The following DHH variants were observed in gnomAD, a reference collection of about 807,000 sequenced individuals.
The protein encoded by DHH is desert hedgehog protein.
In DHH, 16 loss-of-function variants were observed where a neutral mutation model predicts 27.6. That is an observed-to-expected ratio of 0.58 (90% CI 0.39 to 0.88). DHH has a LOEUF of 0.88. DHH is among the 40% of genes least tolerant of loss of function. The probability of loss-of-function intolerance (pLI) is 0.00; values close to 1 mark genes in which losing one functional copy is unlikely to be tolerated. For missense variants in DHH, 436 were observed against 563.1 expected (o/e 0.77, Z 2.28); for synonymous variants, 289 against 263.4 (o/e 1.10, Z -0.94).
chr12:49,090,060 C>G lies in DHH; in HGVS notation c.990G>C (p.Ala330=). The change falls in exon 3 of 3, where the codon GCG becomes GCC. Residue 330 remains alanine (A), a synonymous_variant. Transcript: ENST00000649637. This position sits in a 1 kb window ranked among gnomAD's most constrained non-coding sequence, Gnocchi z 5.2. ...CATCGTTCACCAGCAGCGTCCCGTGCGCGGTGAGCGGCGCGAACACGCCCA... is the reference window on the plus strand; with the variant it reads ...CATCGTTCACCAGCAGCGTCCCGTGGGCGGTGAGCGGCGCGAACACGCCCA... The part of the protein sequence containing the change: ...EAVGVFAPLT[A]HGTLLVNDVL... 6.5e-7 allele frequency: 1 copy of G among 1,539,818 alleles called. No homozygotes were observed.
At position 49,090,263 on chromosome 12, in the gene DHH, G is replaced by T. The variant is rs762332570; in HGVS notation, c.787C>A (p.Arg263Ser). 4 of 1,571,232 alleles carry T rather than the reference G, an allele frequency of 2.5e-6. No individual in the cohort carries two copies. The highest frequency in any genetic ancestry group is 2.7e-5 in the African/African-American group (2 of 74,208). Residue 263 changes from arginine to serine, a missense_variant, in exon 3 of 3, where the codon CGC becomes AGC. By Grantham distance (110) the Arg-to-Ser change is moderately radical. Coordinates refer to ENST00000649637, the MANE Select transcript of DHH (RefSeq NM_021044.4). This position sits in a 1 kb window ranked among gnomAD's most constrained non-coding sequence, Gnocchi z 5.2. ...FVAVETEWPP[R>S]KLLLTPWHLV... Reference sequence around the variant, plus strand: ...TGCCAGGGCGTGAGCAACAGTTTGCGTGGAGGCCACTCGGTCTCCACAGCC... The same window carrying T: ...TGCCAGGGCGTGAGCAACAGTTTGCTTGGAGGCCACTCGGTCTCCACAGCC...
At chr12:49,092,080 C>CA (rs1387933668) in intron 1 of DHH, 2 of 153,054 alleles carry the variant, frequency 1.3e-5, no homozygotes, top group Admixed American at 6.5e-5. Context: ...GAAGCGGACT[C>CA]AGCAGCTCCG....
intron 1 of DHH, among the ~76,000 whole-genome samples, chr12:49,092,660 C>A (rs891658633): frequency 3.8e-4 from 58 of 152,214 alleles, no homozygotes; most frequent in African/African-American, 1.4e-3. Context: ...CGTTTCGTCC[C>A]CTAAGGAGGC....
rs1345627215 is a variant in DHH, at chr12:49,090,177, C to T, written c.873G>A (p.Ala291=). The T allele has an allele frequency of 6.5e-7, 1 of 1,545,968 alleles. No homozygotes were observed. The highest frequency in any genetic ancestry group is 8.7e-7 in the Non-Finnish European group (1 of 1,144,576). Residue 291 remains alanine, a synonymous_variant, in exon 3 of 3, where the codon GCG becomes GCA. Coordinates refer to ENST00000649637, the MANE Select transcript of DHH (RefSeq NM_021044.4). This position sits in a 1 kb window ranked among gnomAD's most constrained non-coding sequence, Gnocchi z 5.2. ...PAPGDFAPVF[A]RRLRAGDSVL... ...CCGAGTCCCCAGCGCGTAGCCGGCG[C>T]GCGAACACCGGTGCAAAGTCGCCTG...
In DHH at chr12:49,091,006, G is replaced by T; in HGVS notation, c.565+122C>A. The T allele has an allele frequency of 6.8e-7, 1 of 1,461,028 alleles. No individual in the cohort carries two copies. The highest frequency in any genetic ancestry group is 9.6e-7 in the Non-Finnish European group (1 of 1,045,916). 90.5% of individuals were successfully genotyped at this position (1,461,028 alleles called of 1,614,324 possible). A position where few individuals can be genotyped will look rare whatever the true frequency, so the allele number is the denominator to read the frequency against. On this transcript the variant is annotated intron_variant, in intron 2 of 2. Transcript: ENST00000649637. This position sits in a 1 kb window ranked among gnomAD's most constrained non-coding sequence, Gnocchi z 4.8. ...CGTGAGGCACCGCCTCGGCCTGGAC[G>T]GGTGGTTTTCAACACTAAAGCCCGC... is the stretch of plus-strand genomic sequence containing the variant.
rs1316716211 is a variant in DHH, at chr12:49,089,746, C to T, written c.*113G>A. 1.5e-6 allele frequency: 2 copies of T among 1,371,234 alleles called. No individual in the cohort carries two copies. Among genetic ancestry groups the T allele is most frequent in the East Asian group, 5.3e-5 (2 of 37,662 alleles). The allele number at this position is 1,371,234 out of a possible 1,614,324, so 84.9% of individuals were successfully genotyped here. A position where few individuals can be genotyped will look rare whatever the true frequency, so the allele number is the denominator to read the frequency against. ...CCAGGCATAGCCCCATTTTCTCCCT[C>T]CCCCTCCCTCTCCCTCCCTTCCAGT... is the stretch of plus-strand genomic sequence containing the variant. On this transcript the variant is annotated 3_prime_UTR_variant, in exon 3 of 3. Coordinates refer to ENST00000649637, the MANE Select transcript of DHH (RefSeq NM_021044.4).
In DHH at chr12:49,094,395, G is replaced by A. The variant is rs1242397583; in HGVS notation, c.118C>T (p.Leu40Phe). The A allele has an allele frequency of 6.2e-7, 1 of 1,612,138 alleles. No individual in the cohort carries two copies. The highest frequency in any genetic ancestry group is 8.5e-7 in the Non-Finnish European group (1 of 1,179,524). ...VGRRRYARKQ[L>F]VPLLYKQFVP... ...AATTGCTTGTAGAGTAGCGGCACGA[G>A]CTGCTTGCGCGCATAGCGGCGCCGG... Residue 40 changes from leucine to phenylalanine, a missense_variant, in exon 1 of 3, where the codon CTC becomes TTC. By Grantham distance (22) the Leu-to-Phe change is conservative (BLOSUM62 0). Coordinates refer to ENST00000649637, the MANE Select transcript of DHH (RefSeq NM_021044.4).
At position 49,091,223 on chromosome 12, in the gene DHH, T is replaced by C. The variant is rs377045678; in HGVS notation, c.470A>G (p.Asn157Ser). ...LDITTSDRDR[N>S]KYGLLARLAV... ...GAGGCGCGCCAGCAACCCATACTTG[T>C]TGCGGTCGCGGTCAGACGTAGTGAT... Residue 157 changes from asparagine to serine, a missense_variant, in exon 2 of 3, where the codon AAC (asparagine) becomes AGC (serine). Transcript: ENST00000649637. This position sits in a 1 kb window ranked among gnomAD's most constrained non-coding sequence, Gnocchi z 4.8. The C allele has an allele frequency of 7.4e-6, 12 of 1,614,100 alleles. No homozygotes were observed. In the African/African-American group the frequency reaches 1.5e-4, roughly 20 times the overall value.
In DHH at chr12:49,094,532, C is replaced by G; in HGVS notation, c.-20G>C. 1 of 1,550,380 alleles carries G rather than the reference C, an allele frequency of 6.5e-7. No individual in the cohort carries two copies. The highest frequency in any genetic ancestry group is 8.7e-7 in the Non-Finnish European group (1 of 1,147,028). On this transcript the variant is annotated 5_prime_UTR_variant, in exon 1 of 3. Coordinates refer to ENST00000649637, the MANE Select transcript of DHH (RefSeq NM_021044.4). ...AGCCATGGATACAGCGGACCTCGGC[C>G]AAAAGGGAGCGTTCTTGTCCTCACT...
chr12:49,091,224 T>TGCGGTC lies in DHH; in HGVS notation c.463_468dup (p.Asp155_Arg156dup), dbSNP rs1403158282. On this transcript the variant is annotated inframe_insertion, in exon 2 of 3. Coordinates refer to ENST00000649637, the MANE Select transcript of DHH (RefSeq NM_021044.4). This position sits in a 1 kb window ranked among gnomAD's most constrained non-coding sequence, Gnocchi z 4.8. ...AGGCGCGCCAGCAACCCATACTTGTTGCGGTCGCGGTCAGACGTAGTGATG... is the reference window on the plus strand; with the variant it reads ...AGGCGCGCCAGCAACCCATACTTGTTGCGGTCGCGGTCGCGGTCAGACGTAGTGATG... The TGCGGTC allele has an allele frequency of 6.2e-7, 1 of 1,614,200 alleles. No individual in the cohort carries two copies. Among genetic ancestry groups the TGCGGTC allele is most frequent in the East Asian group, 2.2e-5 (1 of 44,878 alleles).
Position 49,089,899 on chromosome 12 carries a change from G to A in DHH, c.1151C>T (p.Ser384Phe). ...CTCCGCTAAGCGGTAGAGGAGCCGA[G>A]AGTACCAATGCATGCCAGTCGGCTG... ...AVQPTGMHWY[S>F]RLLYRLAEEL... The change falls in exon 3 of 3, where the codon TCT (serine) becomes TTT (phenylalanine). Residue 384 changes from serine (S) to phenylalanine (F), a missense_variant. Coordinates refer to ENST00000649637, the MANE Select transcript of DHH (RefSeq NM_021044.4). The A allele has an allele frequency of 6.3e-7, 1 of 1,589,860 alleles. No individual in the cohort carries two copies.
Position 49,087,405 on chromosome 12 carries a change from G to T in DHH, c.*2454C>A, listed in dbSNP as rs973390235. Among the ~76,000 whole-genome samples, 1 of 152,148 alleles carries T rather than the reference G, an allele frequency of 6.6e-6. No homozygotes were observed. Among genetic ancestry groups the T allele is most frequent in the Non-Finnish European group, 1.5e-5 (1 of 68,028 alleles). On this transcript the variant is annotated 3_prime_UTR_variant, in exon 3 of 3. Transcript: ENST00000649637. ...CACCATTATGATTTTATGGTTAAAG[G>T]TTAAAACTGTAAGATATATGTATTA... is the stretch of plus-strand genomic sequence containing the variant.
chr12:49,093,864 C>T (rs1939346087), intron 1 of DHH, among the ~76,000 whole-genome samples: 1 of 152,202 alleles, frequency 6.6e-6, no homozygotes, highest in South Asian at 2.1e-4. Flanking sequence ...CCCAGCTCAC[C>T]CCAGCCCTTC....
At position 49,090,492 on chromosome 12, in the gene DHH, G is replaced by C. The variant is rs984237440; in HGVS notation, c.566-8C>G. The C allele has an allele frequency of 6.9e-6, 11 of 1,598,730 alleles. No individual in the cohort carries two copies. The highest frequency in any genetic ancestry group is 4.0e-5 in the African/African-American group (3 of 74,858). On this transcript the variant is annotated splice_polypyrimidine_tract_variant and splice_region_variant and intron_variant, in intron 2 of 2. Transcript: ENST00000649637. The surrounding 1 kb of genome is among the most constrained non-coding windows in gnomAD (Gnocchi z 5.2). ...GGACCGCCAGTGAGTTATCTGCAGG[G>C]AACAACCACAGGGAGGATTGAATCA...
In DHH at chr12:49,091,299, C is replaced by A. The variant is rs370049311; in HGVS notation, c.394G>T (p.Asp132Tyr). 1.9e-6 allele frequency: 3 copies of A among 1,614,116 alleles called. No homozygotes were observed. The highest frequency in any genetic ancestry group is 1.1e-5 in the South Asian group (1 of 91,086). Residue 132 changes from aspartate to tyrosine, a missense_variant, in exon 2 of 3, where the codon GAC (aspartate) becomes TAC (tyrosine). Coordinates refer to ENST00000649637, the MANE Select transcript of DHH (RefSeq NM_021044.4). This position sits in a 1 kb window ranked among gnomAD's most constrained non-coding sequence, Gnocchi z 4.8. ...RLRVTEGWDE[D>Y]GHHAQDSLHY... ...AGTGAATCCTGAGCGTGGTGGCCGT[C>A]CTCGTCCCAGCCCTCAGTCACTCGT...
Position 49,091,202 on chromosome 12 carries a change from C to A in DHH, c.491G>T (p.Arg164Leu), listed in dbSNP as rs752725321. Residue 164 changes from arginine (R) to leucine (L), a missense_variant, in exon 2 of 3, where the codon CGC (arginine) becomes CTC (leucine). Arg to Leu is a moderately radical substitution (Grantham distance 102). Coordinates refer to ENST00000649637, the MANE Select transcript of DHH (RefSeq NM_021044.4). This position sits in a 1 kb window ranked among gnomAD's most constrained non-coding sequence, Gnocchi z 4.8. ...RDRNKYGLLA[R>L]LAVEAGFDWV... ...GTCGAAGCCGGCTTCCACTGCGAGG[C>A]GCGCCAGCAACCCATACTTGTTGCG... 4.3e-6 allele frequency: 7 copies of A among 1,614,224 alleles called. No homozygotes were observed. Among genetic ancestry groups the A allele is most frequent in the East Asian group, 2.2e-5 (1 of 44,888 alleles).
Position 49,091,462 on chromosome 12 carries a change from A to G in DHH, c.304-73T>C. On this transcript the variant is annotated intron_variant, in intron 1 of 2. Coordinates refer to ENST00000649637, the MANE Select transcript of DHH (RefSeq NM_021044.4). The surrounding 1 kb of genome is among the most constrained non-coding windows in gnomAD (Gnocchi z 4.8). ...AAAAGGGACCTGGATAGGAGGGTTG[A>G]TTCTTTGTTATTCCGGCCCTACTCT... 1.9e-6 allele frequency: 3 copies of G among 1,578,740 alleles called. No homozygotes were observed. The highest frequency in any genetic ancestry group is 2.6e-6 in the Non-Finnish European group (3 of 1,165,124).
At position 49,094,782 on chromosome 12, in the gene DHH, C is replaced by T. The variant is rs1373325531; in HGVS notation, c.-270G>A. Reference sequence around the variant, plus strand: ...GTGCCAGCCCAGCCCGTCTCTGCTGCAGGACTCTGGTGCTGCCAGAACGCC... The same window carrying T: ...GTGCCAGCCCAGCCCGTCTCTGCTGTAGGACTCTGGTGCTGCCAGAACGCC... On this transcript the variant is annotated 5_prime_UTR_variant, in exon 1 of 3. Coordinates refer to ENST00000649637, the MANE Select transcript of DHH (RefSeq NM_021044.4). 3.5e-6 allele frequency: 2 copies of T among 572,376 alleles called. No individual in the cohort carries two copies. Among genetic ancestry groups the T allele is most frequent in the African/African-American group, 3.8e-5 (2 of 53,142 alleles). 35.5% of individuals were successfully genotyped at this position (572,376 alleles called of 1,614,324 possible). A position where few individuals can be genotyped will look rare whatever the true frequency, so the allele number is the denominator to read the frequency against.
chr12:49,094,329 G>A lies in DHH; in HGVS notation c.184C>T (p.Pro62Ser), dbSNP rs745612962. The change falls in exon 1 of 3, where the codon CCA (proline) becomes TCA (serine). Residue 62 changes from proline (P) to serine (S), a missense_variant. Transcript: ENST00000649637. ...CCCCTTGCCACCCTCCCCTCCGCTGGCCCACTGGCGCCCAGGGTCCGCTCT... is the reference window on the plus strand; with the variant it reads ...CCCCTTGCCACCCTCCCCTCCGCTGACCCACTGGCGCCCAGGGTCCGCTCT... ...VPERTLGASGPAEGRVARGSE... is the reference protein window; with the variant it reads ...VPERTLGASGSAEGRVARGSE... The A allele has an allele frequency of 6.2e-7, 1 of 1,612,966 alleles. No homozygotes were observed. The highest frequency in any genetic ancestry group is 8.5e-7 in the Non-Finnish European group (1 of 1,179,908).
Sources: allele counts gnomAD v4.1 joint callset (sites outside exome capture counted in the v4.1 genomes callset), GRCh38; gene constraint gnomAD v4.1.1; non-coding constraint Gnocchi (gnomAD v3.1); transcripts MANE v1.5; gene names NCBI Gene and HGNC (gene_info 2026-07-23, HGNC 2026-07-21).